Variants in CRADD observed in about 807,000 individuals in gnomAD.
The protein encoded by CRADD is CARD and death domain containing adaptor protein.
A neutral mutation model predicts 15.5 loss-of-function variants in CRADD; 9 were observed. The observed-to-expected ratio is 0.58, with a 90% CI of 0.35 to 1.01. The LOEUF is 1.01. Ranked by LOEUF, CRADD falls within the 50% of genes least tolerant of loss-of-function variation. The pLI is 0.02. For missense variants in CRADD, 227 were observed against 250.3 expected, an observed-to-expected ratio of 0.91 and a Z score of 0.63; for synonymous variants, 118 against 107.6, an observed-to-expected ratio of 1.10 and a Z score of -0.60.
chr12:93,805,578 A>AAAT (rs1957528029), intron 2 of CRADD, among the ~76,000 whole-genome samples: 1 of 150,870 alleles, frequency 6.6e-6, no homozygotes, highest in African/African-American at 2.4e-5. Context: ...TTGTGTGTAT[A>AAAT]AATAAATAAA....
At chr12:93,780,080 C>G (rs1314848411) in intron 2 of CRADD, among the ~76,000 whole-genome samples, 1 of 152,156 alleles carries the variant, frequency 6.6e-6, no homozygotes, top group African/African-American at 2.4e-5. Flanking sequence ...AACAAGAAAG[C>G]TCTCTTTAAA....
chr12:93,830,523 C>T (rs537919625), intron 2 of CRADD, among the ~76,000 whole-genome samples: 48 of 152,198 alleles, frequency 3.2e-4, no homozygotes, highest in African/African-American at 1.2e-3. Flanking sequence ...TATATAAAAA[C>T]AGAATCTGGA....
At chr12:93,789,073 C>CT (rs538518503) in intron 2 of CRADD, among the ~76,000 whole-genome samples, 33 of 151,810 alleles carry the variant, frequency 2.2e-4, no homozygotes, top group South Asian at 6.3e-4. Context: ...GTGGTGGTTC[C>CT]TTTTTTTTAT....
At chr12:93,827,909 C>T (rs1957842655) in intron 2 of CRADD, among the ~76,000 whole-genome samples, 1 of 152,184 alleles carries the variant, frequency 6.6e-6, no homozygotes, top group Admixed American at 6.5e-5. Context: ...GTGGTTCCCT[C>T]CTGGCAACCA....
chr12:93,749,776 T>A (rs1956809869), intron 2 of CRADD, among the ~76,000 whole-genome samples: 1 of 152,222 alleles, frequency 6.6e-6, no homozygotes, highest in South Asian at 2.1e-4. Flanking sequence ...GCATGCTTTC[T>A]CTTTTAAGCT....
intron 2 of CRADD, among the ~76,000 whole-genome samples, chr12:93,845,088 C>G (rs919908219): frequency 2.6e-5 from 4 of 152,210 alleles, no homozygotes; most frequent in Non-Finnish European, 4.4e-5. Flanking sequence ...AGGAGTGAGT[C>G]TGCCCTGGTT....
intron 1 of CRADD, chr12:93,678,156 A>G (rs536550580): frequency 4.9e-4 from 74 of 152,510 alleles, no homozygotes; most frequent in Admixed American, 1.9e-3. Context: ...TATATTGTGT[A>G]AAGTTTATTG....
At chr12:93,836,580 T>C (rs1315541624) in intron 2 of CRADD, among the ~76,000 whole-genome samples, 5 of 152,360 alleles carry the variant, frequency 3.3e-5, no homozygotes, top group East Asian at 1.9e-4. Flanking sequence ...GTTTCCTCTC[T>C]TTTTAATTTT....
intron 2 of CRADD, among the ~76,000 whole-genome samples, chr12:93,762,125 A>G (rs185310834): frequency 6.6e-6 from 1 of 152,354 alleles, no homozygotes; most frequent in East Asian, 1.9e-4. Context: ...TTTAAGCTAA[A>G]TAAAAGCCTT....
chr12:93,842,059 G>T (rs1958054708), intron 2 of CRADD, among the ~76,000 whole-genome samples: 1 of 152,172 alleles, frequency 6.6e-6, no homozygotes, highest in Non-Finnish European at 1.5e-5. Context: ...AGTTGAGAAA[G>T]GAATTTCATA....
At chr12:93,793,533 A>G (rs1957376100) in intron 2 of CRADD, among the ~76,000 whole-genome samples, 1 of 152,202 alleles carries the variant, frequency 6.6e-6, no homozygotes. Flanking sequence ...ACAGTCTGCT[A>G]AAGTGATGGA....
At chr12:93,755,293 T>C (rs752085808) in intron 2 of CRADD, among the ~76,000 whole-genome samples, 8 of 152,226 alleles carry the variant, frequency 5.3e-5, no homozygotes, top group Non-Finnish European at 7.3e-5. Context: ...TTCCCAAATA[T>C]TGCCTTATCC....
At chr12:93,781,616 A>G (rs1957211050) in intron 2 of CRADD, among the ~76,000 whole-genome samples, 1 of 152,238 alleles carries the variant, frequency 6.6e-6, no homozygotes, top group South Asian at 2.1e-4. Context: ...ATGCTCCTCC[A>G]ATGTGATCTG....
intron 2 of CRADD, among the ~76,000 whole-genome samples, chr12:93,726,094 GTTT>G (rs1165429350): frequency 5.8e-4 from 56 of 96,032 alleles, no homozygotes; most frequent in African/African-American, 1.9e-3. Context: ...AAATAGTTTA[GTTT>G]TTTTTTTTTT....
chr12:93,875,810 CA>C (rs1218735549), intron 2 of CRADD, among the ~76,000 whole-genome samples: 1 of 152,068 alleles, frequency 6.6e-6, no homozygotes, highest in Non-Finnish European at 1.5e-5. Flanking sequence ...ATTGGTTCAT[CA>C]TTTAGTCTTT....
intron 2 of CRADD, among the ~76,000 whole-genome samples, chr12:93,735,132 A>G (rs1162490086): frequency 6.6e-6 from 1 of 152,112 alleles, no homozygotes; most frequent in Non-Finnish European, 1.5e-5. Context: ...AGGCCCTCCA[A>G]AATATGCAAA....
At chr12:93,894,019 TG>T (rs1427105254) in intron 2 of CRADD, 1 of 702,524 alleles carries the variant, frequency 1.4e-6, no homozygotes, top group Non-Finnish European at 2.6e-6. Context: ...CATACTCCCT[TG>T]ATTTGACCTT....
intron 2 of CRADD, among the ~76,000 whole-genome samples, chr12:93,838,202 T>C: frequency 6.8e-6 from 1 of 147,026 alleles, no homozygotes; most frequent in East Asian, 2.0e-4. Context: ...TCTAATTAGT[T>C]TTCCTTTTGA....
chr12:93,830,189 C>G (rs1054845875), intron 2 of CRADD, among the ~76,000 whole-genome samples: 1 of 152,142 alleles, frequency 6.6e-6, no homozygotes, highest in Non-Finnish European at 1.5e-5. Context: ...CTCGAATCTT[C>G]GCTGTCACTT....
Sources: allele counts gnomAD v4.1 joint callset (sites outside exome capture counted in the v4.1 genomes callset), GRCh38; gene constraint gnomAD v4.1.1; transcripts MANE v1.5; gene names NCBI Gene and HGNC (gene_info 2026-07-23, HGNC 2026-07-21).